ATF7: variants seen among roughly 807,000 people sequenced by gnomAD.
The protein encoded by ATF7 is cyclic AMP-dependent transcription factor ATF-7.
In ATF7, 10 loss-of-function variants were observed where a neutral mutation model predicts 50.4. That is an observed-to-expected ratio of 0.20 (90% CI 0.12 to 0.34). The LOEUF (loss-of-function observed/expected upper bound fraction) is 0.34, where lower values mean the gene tolerates loss of function less well. Ranked by LOEUF, ATF7 falls within the 10% of genes least tolerant of loss-of-function variation. ATF7 has a pLI of 1.00. For synonymous variants in ATF7, 201 were observed against 226.4 expected (o/e 0.89, Z 1.01); for missense variants, 465 against 613.9 (o/e 0.76, Z 2.56).
chr12:53,533,013 G>A (rs1938998164), intron 7 of ATF7, 147 bp downstream of exon 7: 2 of 678,390 alleles, frequency 2.9e-6, no homozygotes, highest in Admixed American at 2.7e-5. Flanking sequence ...GCAGAGGTTA[G>A]TGAAGAGTTT....
rs563288508 is a variant in ATF7 at position 53,513,767 on chromosome 12, C to G, written c.*3370G>C. On this transcript the variant is annotated 3_prime_UTR_variant, in exon 12 of 12. Transcript: ENST00000420353. ...GTGTGGAGCAGGGGAGCCCCAGAAACCACAGGAAGAATTTTTTTGGTGTCT... is the reference window on the plus strand; with the variant it reads ...GTGTGGAGCAGGGGAGCCCCAGAAAGCACAGGAAGAATTTTTTTGGTGTCT... The G allele has an allele frequency of 6.6e-6, 1 of 152,200 alleles. No homozygotes were observed. Among genetic ancestry groups the G allele is most frequent in the South Asian group, 2.1e-4 (1 of 4,816 alleles). The allele number at this position is 152,200 out of a possible 1,614,324, so 9.4% of individuals were successfully genotyped here. A position where few individuals can be genotyped will look rare whatever the true frequency, so the allele number is the denominator to read the frequency against.
At chr12:53,571,165 T>C (rs1428646045) in intron 2 of ATF7, among the ~76,000 whole-genome samples, 2 of 151,762 alleles carry the variant, frequency 1.3e-5, no homozygotes, top group Non-Finnish European at 2.9e-5. Context: ...TGAAGTGATG[T>C]AACCACAAGC....
chr12:53,574,472 A>G (rs1334377561), intron 2 of ATF7, among the ~76,000 whole-genome samples: 1 of 152,150 alleles, frequency 6.6e-6, no homozygotes, highest in Non-Finnish European at 1.5e-5. Context: ...GAGCCAGGAG[A>G]GAGCAAGATC....
intron 2 of ATF7, 99 bp from the exon 3 acceptor site, chr12:53,552,736 G>A: frequency 1.1e-6 from 1 of 904,350 alleles, no homozygotes; most frequent in Non-Finnish European, 1.8e-6. Flanking sequence ...AATGAGATTG[G>A]TCCCTGGAAA....
chr12:53,578,783 CAA>C (rs10718181), intron 2 of ATF7, among the ~76,000 whole-genome samples: 755 of 106,610 alleles, frequency 7.1e-3, no homozygotes, highest in African/African-American at 8.0e-3. Flanking sequence ...GATGCTGTCT[CAA>C]AAAAAAAAAA....
At chr12:53,594,978 C>T (rs913671345) in intron 2 of ATF7, among the ~76,000 whole-genome samples, 17 of 151,816 alleles carry the variant, frequency 1.1e-4, no homozygotes, top group Admixed American at 6.6e-5. Flanking sequence ...GTTACTGCAG[C>T]ATCCAGAGAG....
At chr12:53,607,456 T>TA (rs1161310674) in intron 1 of ATF7, among the ~76,000 whole-genome samples, 1 of 152,170 alleles carries the variant, frequency 6.6e-6, no homozygotes, top group Non-Finnish European at 1.5e-5. Context: ...ATTCTAAGGA[T>TA]AAAACCAGAC....
chr12:53,532,551 T>A lies in ATF7; in HGVS notation c.733A>T (p.Ile245Phe). The change falls in exon 8 of 12, where the codon ATT becomes TTT. Residue 245 changes from isoleucine (I) to phenylalanine (F), a missense_variant. Ile to Phe is a conservative substitution (Grantham distance 21). Coordinates refer to ENST00000420353, the MANE Select transcript of ATF7 (RefSeq NM_006856.3). ...GGTATAGGGTGGCCAGAGGGAGAAA[T>A]GGAGCCACTACTGTTAACTGGTGGG... ...PGPPVNSSGS[I>F]SPSGHPIPSE... 6.2e-7 allele frequency: 1 copy of A among 1,606,202 alleles called. No homozygotes were observed. The highest frequency in any genetic ancestry group is 1.1e-5 in the South Asian group (1 of 89,478).
At chr12:53,611,109 T>G (rs944615011) in intron 1 of ATF7, among the ~76,000 whole-genome samples, 1 of 151,802 alleles carries the variant, frequency 6.6e-6, no homozygotes, top group Non-Finnish European at 1.5e-5. Context: ...ATTACAAGGG[T>G]GAGCCATTGT....
Position 53,532,605 on chromosome 12 carries a change from T to C in ATF7, c.679A>G (p.Met227Val), listed in dbSNP as rs1360368616. 6.2e-7 allele frequency: 1 copy of C among 1,602,978 alleles called. No individual in the cohort carries two copies. Among genetic ancestry groups the C allele is most frequent in the Non-Finnish European group, 8.5e-7 (1 of 1,175,752 alleles). Residue 227 changes from methionine to valine, a missense_variant, in exon 8 of 12, where the codon ATG becomes GTG. Coordinates refer to ENST00000420353, the MANE Select transcript of ATF7 (RefSeq NM_006856.3). ...SVISLARPVS[M>V]VPNIPGIPGP... ...GGGATACCAGGAATGTTGGGCACCA[T>C]GGACACAGGTCTGGCCAGCTGGATC...
chr12:53,551,035 T>C (rs1005350356), intron 3 of ATF7, among the ~76,000 whole-genome samples: 2 of 152,370 alleles, frequency 1.3e-5, no homozygotes, highest in Non-Finnish European at 2.9e-5. Flanking sequence ...TTAGTATTCA[T>C]AGTTTGTAGT....
chr12:53,529,332 T>C (rs1435714388), intron 9 of ATF7, among the ~76,000 whole-genome samples: 1 of 152,090 alleles, frequency 6.6e-6, no homozygotes, highest in Non-Finnish European at 1.5e-5. Context: ...CCTGAGTAGC[T>C]GGGATTACAG....
intron 2 of ATF7, among the ~76,000 whole-genome samples, chr12:53,569,101 G>C (rs2137610634): frequency 6.6e-6 from 1 of 152,304 alleles, no homozygotes; most frequent in East Asian, 1.9e-4. Context: ...GAGCCCAGGT[G>C]TTTGAAGCTG....
chr12:53,543,528 G>T, intron 3 of ATF7, 80 bp from the exon 4 acceptor site: 1 of 1,368,578 alleles, frequency 7.3e-7, no homozygotes, highest in Non-Finnish European at 9.8e-7. Context: ...TATAGAGAAT[G>T]CATTTGTACT....
At chr12:53,616,296 C>T (rs1018258636) in intron 1 of ATF7, among the ~76,000 whole-genome samples, 1 of 152,170 alleles carries the variant, frequency 6.6e-6, no homozygotes, top group African/African-American at 2.4e-5. Flanking sequence ...GATGTCAGCT[C>T]ACTGAAACCC....
chr12:53,543,058 T>C (rs1939668777), intron 4 of ATF7: 1 of 1,316,338 alleles, frequency 7.6e-7, no homozygotes, highest in Non-Finnish European at 9.7e-7. Flanking sequence ...TATAAATATT[T>C]TTTAAAAAAC....
intron 1 of ATF7, among the ~76,000 whole-genome samples, chr12:53,606,523 C>T (rs1367638007): frequency 6.6e-6 from 1 of 152,182 alleles, no homozygotes; most frequent in East Asian, 1.9e-4. Context: ...GCTGGGATTA[C>T]AGACATGAGC....
chr12:53,587,843 A>ATATATTTTT, intron 2 of ATF7, among the ~76,000 whole-genome samples: 33 of 61,566 alleles, frequency 5.4e-4, no homozygotes, highest in South Asian at 3.0e-3. Flanking sequence ...ATATATATAT[A>ATATATTTTT]TTTTTTTTTT....
intron 2 of ATF7, among the ~76,000 whole-genome samples, chr12:53,555,774 T>C (rs1054927964): frequency 6.6e-6 from 1 of 151,864 alleles, no homozygotes; most frequent in Non-Finnish European, 1.5e-5. Context: ...CCTCCCAAAG[T>C]GCTAGAATTA....
Sources: allele counts gnomAD v4.1 joint callset (sites outside exome capture counted in the v4.1 genomes callset), GRCh38; gene constraint gnomAD v4.1.1; transcripts MANE v1.5; gene names NCBI Gene and HGNC (gene_info 2026-07-23, HGNC 2026-07-21).